Variants in CD8B observed in about 807,000 individuals in gnomAD.
The protein encoded by CD8B is CD8 subunit beta, also known as T-cell surface glycoprotein CD8 beta chain.
A neutral mutation model predicts 24.2 loss-of-function variants in CD8B; 6 were observed. The observed-to-expected ratio is 0.25, with a 90% CI of 0.14 to 0.49. The LOEUF is 0.49. CD8B is among the 20% of genes least tolerant of loss of function. The pLI is 0.98. For missense variants in CD8B, 196 were observed against 271.3 expected (o/e 0.72, Z 1.95); for synonymous variants, 84 against 108.3 (o/e 0.78, Z 1.39).
intron 5 of CD8B, among the ~76,000 whole-genome samples, chr2:86,824,117 C>T (rs945028809): frequency 2.0e-5 from 3 of 151,248 alleles, no homozygotes; most frequent in Non-Finnish European, 4.4e-5. Context: ...CCCTGCCTGG[C>T]CTGAGAGCAG....
intron 5 of CD8B, among the ~76,000 whole-genome samples, chr2:86,831,070 TTTTG>T (rs1344396699): frequency 9.3e-4 from 141 of 152,264 alleles, no homozygotes; most frequent in African/African-American, 2.2e-3. Flanking sequence ...AATCTATTAT[TTTTG>T]TTTGTTTGTT....
downstream of CD8B, among the ~76,000 whole-genome samples, chr2:86,838,065 G>A (rs1190225907): frequency 6.6e-6 from 1 of 152,196 alleles, no homozygotes; most frequent in African/African-American, 2.4e-5. Flanking sequence ...CTGCCTCACC[G>A]TGATTTCCAT....
chr2:86,819,779 C>T (rs940013138), intron 5 of CD8B, among the ~76,000 whole-genome samples: 17 of 152,256 alleles, frequency 1.1e-4, no homozygotes, highest in Non-Finnish European at 1.8e-4. Context: ...AAATACATTT[C>T]GTAAGGCTAG....
chr2:86,829,881 C>T (rs1674840249), intron 5 of CD8B, among the ~76,000 whole-genome samples: 1 of 151,454 alleles, frequency 6.6e-6, no homozygotes, highest in Non-Finnish European at 1.5e-5. Flanking sequence ...TTTCTCTCCT[C>T]TTCTGCCGAG....
At chr2:86,846,876 C>G (rs1003109387) in intron 3 of CD8B, 103 bp from the exon 4 acceptor site, 5 of 685,256 alleles carry the variant, frequency 7.3e-6, no homozygotes, top group African/African-American at 7.3e-5. Context: ...AGCCCCACCT[C>G]CCAGAGAATA....
At chr2:86,857,975 A>C (rs1676357799) in intron 2 of CD8B, 82 bp downstream of exon 2, 2 of 1,429,728 alleles carry the variant, frequency 1.4e-6, no homozygotes, top group Non-Finnish European at 1.9e-6. Flanking sequence ...AGTGGGGCAC[A>C]CTGAAGCCTG....
At chr2:86,823,711 G>A (rs1046110915) in intron 5 of CD8B, among the ~76,000 whole-genome samples, 2 of 152,212 alleles carry the variant, frequency 1.3e-5, no homozygotes, top group South Asian at 4.1e-4. Context: ...GGCACTGTTC[G>A]AGGCAGGGTT....
Position 86,851,376 on chromosome 2 carries a change from C to T in CD8B, c.493+1621G>A, listed in dbSNP as rs116516180. On this transcript the variant is annotated intron_variant, in intron 3 of 5. Transcript: ENST00000390655. ...GTTCTCCACAGCCGTAGCACACAAC[C>T]GGTTCTTGCGCCCTCATCTTAGTGG... Among the ~76,000 whole-genome samples, 870 of 152,234 alleles carry T rather than the reference C, an allele frequency of 5.7e-3. 9 individuals carry two copies. Among genetic ancestry groups the T allele is most frequent in the African/African-American group, 0.02 (838 of 41,552 alleles).
At chr2:86,855,863 GT>G (rs375501327) in intron 2 of CD8B, among the ~76,000 whole-genome samples, 1 of 152,232 alleles carries the variant, frequency 6.6e-6, no homozygotes, top group East Asian at 1.9e-4. Context: ...CCTGGGTCTA[GT>G]GGGAGACTCA....
Position 86,826,824 on chromosome 2 carries a change from GT to G in CD8B, c.621-11107del, listed in dbSNP as rs67145087. The stretch of plus-strand genomic sequence containing the variant: ...ATGTAGACATGACTGTGAATTTCTT[GT>G]TTTTTTTTTTTTTTGAGACGGGGTC... On this transcript the variant is annotated intron_variant, in intron 5 of 5. Transcript: ENST00000331469. 1.7e-3 allele frequency among the ~76,000 whole-genome samples: 250 copies of G among 143,210 alleles called. 3 individuals carry two copies. The South Asian group carries it at 0.025, about 14-fold the overall frequency. 94.0% of individuals were successfully genotyped at this position (143,210 alleles called of 152,430 possible).
At chr2:86,850,927 C>T (rs746373884) in intron 3 of CD8B, among the ~76,000 whole-genome samples, 14 of 151,928 alleles carry the variant, frequency 9.2e-5, no homozygotes, top group Non-Finnish European at 1.6e-4. Flanking sequence ...CCTGCCTCTA[C>T]TAAAAATATA....
chr2:86,861,694 C>T (rs1331778753), intron 1 of CD8B, 129 bp downstream of exon 1: 1 of 587,078 alleles, frequency 1.7e-6, no homozygotes, highest in Non-Finnish European at 2.5e-6. Flanking sequence ...AGCTGCCTCC[C>T]GGGCGCCCCG....
In CD8B at chr2:86,846,925, G is replaced by GTCTTTTTTTTTTTTT. The variant is rs1285464744; in HGVS notation, c.494-153_494-152insAAAAAAAAAAAAAGA. 6 of 176,724 alleles carry GTCTTTTTTTTTTTTT rather than the reference G, an allele frequency of 3.4e-5. 1 individual carries two copies. Among genetic ancestry groups the GTCTTTTTTTTTTTTT allele is most frequent in the African/African-American group, 1.5e-4 (4 of 27,522 alleles). The allele number at this position is 176,724 out of a possible 1,614,324, so 10.9% of individuals were successfully genotyped here. On this transcript the variant is annotated intron_variant, in intron 3 of 5. Transcript: ENST00000390655. ...TTCGATGTAATGTATTTTTCCTCAA[G>GTCTTTTTTTTTTTTT]TATTTTTTTTTTTTTTTTTTTTTTT...
intron 5 of CD8B, chr2:86,815,866 C>T: frequency 1.6e-6 from 1 of 639,022 alleles, no homozygotes. Context: ...GCATATAGCA[C>T]TTGATAGGCC....
rs1390612328 is a variant in CD8B, at chr2:86,852,949, G to A, written c.493+48C>T. 3 of 1,322,422 alleles carry A rather than the reference G, an allele frequency of 2.3e-6. No homozygotes were observed. In the Admixed American group the frequency reaches 7.4e-5, roughly 33 times the overall value. 81.9% of individuals were successfully genotyped at this position (1,322,422 alleles called of 1,614,324 possible). A position where few individuals can be genotyped will look rare whatever the true frequency, so the allele number is the denominator to read the frequency against. On this transcript the variant is annotated intron_variant, in intron 3 of 5. Transcript: ENST00000390655. ...GAAGGAGGGGAGGGAGGGAGGGCAA[G>A]GGGATGTCTGCCTTGTTTCTGAGGG... is the stretch of plus-strand genomic sequence containing the variant.
chr2:86,823,066 G>A (rs1674538883), intron 5 of CD8B, among the ~76,000 whole-genome samples: 1 of 151,980 alleles, frequency 6.6e-6, no homozygotes, highest in Non-Finnish European at 1.5e-5. Context: ...TTACCACCAT[G>A]CATCCACAGA....
intron 5 of CD8B, among the ~76,000 whole-genome samples, chr2:86,819,442 A>G (rs376081481): frequency 2.0e-5 from 3 of 152,350 alleles, no homozygotes; most frequent in African/African-American, 4.8e-5. Flanking sequence ...GTTGAAGCCA[A>G]TGCTCATTTA....
intron 2 of CD8B, among the ~76,000 whole-genome samples, chr2:86,855,545 A>C (rs1430732834): frequency 6.6e-6 from 1 of 152,210 alleles, no homozygotes; most frequent in Non-Finnish European, 1.5e-5. Context: ...TCGTTCTGCC[A>C]CACTACCTCA....
chr2:86,830,458 T>A (rs926245001), intron 5 of CD8B, among the ~76,000 whole-genome samples: 7 of 151,954 alleles, frequency 4.6e-5, no homozygotes, highest in Non-Finnish European at 8.8e-5. Context: ...TCCCAGCTAC[T>A]TGGGAGGCTG....
Sources: gnomAD v4.1 joint callset for allele counts (sites outside exome capture counted in the v4.1 genomes callset) on GRCh38, gnomAD v4.1.1 for gene constraint, MANE v1.5 for transcripts, NCBI Gene and HGNC (gene_info 2026-07-23, HGNC 2026-07-21) for gene names.